Variants in MEST observed in about 807,000 individuals in gnomAD.
The protein encoded by MEST is mesoderm-specific transcript homolog protein.
MEST carries 18 observed loss-of-function variants against 50.9 expected under a neutral mutation model. The ratio of observed to expected loss-of-function variants is 0.35; its 90% CI spans 0.24 to 0.52. MEST has a LOEUF of 0.52. Among genes scored for constraint, MEST ranks in the 20% least tolerant of loss-of-function variants. MEST has a pLI of 0.94. For synonymous variants in MEST, 130 were observed against 154.1 expected, an observed-to-expected ratio of 0.84 and a Z score of 1.16; for missense variants, 282 against 425.3, an observed-to-expected ratio of 0.66 and a Z score of 2.96.
intron 2 of MEST, chr7:130,496,299 A>T: frequency 2.5e-6 from 1 of 396,800 alleles, no homozygotes; most frequent in South Asian, 1.8e-5. Context: ...CTTCATGTCC[A>T]TACAGTTTAT....
Position 130,495,355 on chromosome 7 carries a change from G to A in MEST, c.27-13G>A. 6.3e-7 allele frequency: 1 copy of A among 1,596,902 alleles called. No homozygotes were observed. Reference sequence around the variant, plus strand: ...ACCTGACTGCTTACAGTGGGTCTCTGCTTTTCCTACAGGATGAGGGAGTGG... The same window carrying A: ...ACCTGACTGCTTACAGTGGGTCTCTACTTTTCCTACAGGATGAGGGAGTGG... On this transcript the variant is annotated splice_polypyrimidine_tract_variant and intron_variant, in intron 1 of 11. Coordinates refer to ENST00000223215, the MANE Select transcript of MEST (RefSeq NM_002402.4).
chr7:130,501,210 C>A, intron 9 of MEST: 1 of 215,420 alleles, frequency 4.6e-6, no homozygotes, highest in Non-Finnish European at 9.1e-6. Flanking sequence ...TTCTCTTTCT[C>A]TGTCTTGTAC....
At chr7:130,486,393 C>T (rs560716058) in exon 1 of MEST, 1 of 152,440 alleles carries the variant, frequency 6.6e-6, no homozygotes, top group Admixed American at 6.5e-5. Flanking sequence ...TTACCTGAAT[C>T]AGGTAAGAGG....
At position 130,505,636 on chromosome 7, in the gene MEST, G is replaced by C. The variant is rs548256452; in HGVS notation, c.*580G>C. ...AATAGATATTGGTTTAAATGATACA[G>C]TATTTTAGGTATGATTTAAGACTAT... is the stretch of plus-strand genomic sequence containing the variant. On this transcript the variant is annotated 3_prime_UTR_variant, in exon 12 of 12. Transcript: ENST00000223215. 4 of 152,216 alleles carry C rather than the reference G, an allele frequency of 2.6e-5. No homozygotes were observed. The highest frequency in any genetic ancestry group is 9.7e-5 in the African/African-American group (4 of 41,412). The allele number at this position is 152,216 out of a possible 1,614,324, so 9.4% of individuals were successfully genotyped here. A position where few individuals can be genotyped will look rare whatever the true frequency, so the allele number is the denominator to read the frequency against.
chr7:130,500,087 G>T lies in MEST; in HGVS notation c.576+172G>T, dbSNP rs1209052013. 1 of 611,508 alleles carries T rather than the reference G, an allele frequency of 1.6e-6. No homozygotes were observed. The highest frequency in any genetic ancestry group is 1.9e-5 in the African/African-American group (1 of 53,740). 37.9% of individuals were successfully genotyped at this position (611,508 alleles called of 1,614,324 possible). On this transcript the variant is annotated intron_variant, in intron 7 of 11. Transcript: ENST00000223215. This position sits in a 1 kb window ranked among gnomAD's most constrained non-coding sequence, Gnocchi z 5.0. Reference sequence around the variant, plus strand: ...TTCTTAGGCAACTAAAGCAGAGGCAGTGGCCCCTACGTAAACCCAAAACCA... The same window carrying T: ...TTCTTAGGCAACTAAAGCAGAGGCATTGGCCCCTACGTAAACCCAAAACCA...
chr7:130,499,731 C>T (rs1050464694), intron 6 of MEST, 144 bp from the exon 7 acceptor site: 5 of 604,054 alleles, frequency 8.3e-6, no homozygotes, highest in Non-Finnish European at 1.1e-5. Flanking sequence ...GTGGCTTGCA[C>T]CTGTAATCCC....
chr7:130,503,127 G>A (rs544699941), intron 10 of MEST, among the ~76,000 whole-genome samples: 32 of 152,260 alleles, frequency 2.1e-4, no homozygotes, highest in African/African-American at 7.2e-4. Flanking sequence ...TGAATTGCTC[G>A]GACAGAAGGC....
rs142718124 is a variant in MEST, at chr7:130,498,442, G to A, written c.500G>A (p.Arg167Gln). 51 of 1,613,904 alleles carry A rather than the reference G, an allele frequency of 3.2e-5. No individual in the cohort carries two copies. The highest frequency in any genetic ancestry group is 9.3e-5 in the African/African-American group (7 of 74,872). ...AGGTACAAGCAGAATCGATCTGGTC[G>A]GCTTACCATAAAGAGTCTCTGTCTG... ...LYRYKQNRSG[R>Q]LTIKSLCLSN... is the part of the protein sequence containing the mutation. The change falls in exon 6 of 12, where the codon CGG becomes CAG. Residue 167 changes from arginine to glutamine, a missense_variant. Physicochemically the swap from Arg to Gln is conservative, Grantham distance 43. Transcript: ENST00000223215.
intron 9 of MEST, among the ~76,000 whole-genome samples, chr7:130,502,106 C>G (rs1442251235): frequency 1.3e-5 from 2 of 152,136 alleles, no homozygotes; most frequent in Non-Finnish European, 1.5e-5. Flanking sequence ...CCTGTACTCC[C>G]AGCTACTTGG....
intron 6 of MEST, 62 bp from the exon 7 acceptor site, chr7:130,499,813 T>A: frequency 7.1e-7 from 1 of 1,399,152 alleles, no homozygotes; most frequent in South Asian, 1.3e-5. Context: ...TGAGATCCCG[T>A]CTCTATAAAA....
At chr7:130,493,410 T>G (rs1798910112) in intron 1 of MEST, 1 of 152,172 alleles carries the variant, frequency 6.6e-6, no homozygotes, top group African/African-American at 2.4e-5. Context: ...GTTGGGATTT[T>G]GGCCAAAAAA....
chr7:130,489,850 C>G (rs1422204263), upstream of MEST: 4 of 152,226 alleles, frequency 2.6e-5, no homozygotes, highest in East Asian at 3.8e-4. Flanking sequence ...CTCCTCCAGT[C>G]TGCCCACTTG....
rs541158253 is a variant in MEST at position 130,505,097 on chromosome 7, C to G, written c.*41C>G. 7.1e-7 allele frequency: 1 copy of G among 1,411,180 alleles called. No individual in the cohort carries two copies. The highest frequency in any genetic ancestry group is 2.3e-5 in the East Asian group (1 of 43,908). The allele number at this position is 1,411,180 out of a possible 1,614,324, so 87.4% of individuals were successfully genotyped here. A position where few individuals can be genotyped will look rare whatever the true frequency, so the allele number is the denominator to read the frequency against. ...TTCCCTGTATTACCTCCCCTACTCC[C>G]TTATGTGTTGTGTATTCCACTTAGG... is the stretch of plus-strand genomic sequence containing the variant. On this transcript the variant is annotated 3_prime_UTR_variant, in exon 12 of 12. Coordinates refer to ENST00000223215, the MANE Select transcript of MEST (RefSeq NM_002402.4).
intron 6 of MEST, 46 bp from the exon 7 acceptor site, chr7:130,499,829 A>AT (rs1563025024): frequency 6.4e-7 from 1 of 1,554,846 alleles, no homozygotes; most frequent in Non-Finnish European, 8.7e-7. Flanking sequence ...TAAAAAAAAA[A>AT]AAATTAAAGC....
intron 9 of MEST, among the ~76,000 whole-genome samples, chr7:130,502,425 CT>C (rs1799309685): frequency 6.6e-6 from 1 of 152,166 alleles, no homozygotes; most frequent in Non-Finnish European, 1.5e-5. Context: ...CCCACTAATT[CT>C]TATATTGATA....
upstream of MEST, chr7:130,488,116 TG>T (rs1369809966): frequency 6.6e-6 from 1 of 152,252 alleles, no homozygotes; most frequent in Non-Finnish European, 1.5e-5. Context: ...AGGATCACCC[TG>T]GCCAAGTTCC....
Position 130,500,844 on chromosome 7 carries a change from A to C in MEST, c.703A>C (p.Met235Leu), listed in dbSNP as rs1799250552. 1 of 1,614,052 alleles carries C rather than the reference A, an allele frequency of 6.2e-7. No individual in the cohort carries two copies. The highest frequency in any genetic ancestry group is 8.5e-7 in the Non-Finnish European group (1 of 1,179,980). The change falls in exon 9 of 12, where the codon ATG becomes CTG. Residue 235 changes from methionine (M) to leucine (L), a missense_variant. Met to Leu is a conservative substitution (Grantham distance 15). Transcript: ENST00000223215. The surrounding 1 kb of genome is among the most constrained non-coding windows in gnomAD (Gnocchi z 5.0). ...GCCCTCTGAGAGTGAGCTGTGGGAC[A>C]TGTGGGCAGGGATCCGCAACAATGA... ...TRPSESELWD[M>L]WAGIRNNDGN...
chr7:130,491,149 A>C (rs1435601445), upstream of MEST: 4 of 152,286 alleles, frequency 2.6e-5, no homozygotes, highest in Non-Finnish European at 5.9e-5. The surrounding 1 kb of genome is among the most constrained non-coding windows in gnomAD (Gnocchi z 6.8). Flanking sequence ...TACACTTTTC[A>C]AAGGCGTAAG....
rs782017009 is a variant in MEST, at chr7:130,505,021, T to C, written c.973T>C (p.Leu325=). 1.4e-5 allele frequency: 22 copies of C among 1,613,740 alleles called. No individual in the cohort carries two copies. Among genetic ancestry groups the C allele is most frequent in the South Asian group, 4.4e-5 (4 of 91,076 alleles). ...YPQLEDPMGF[L]NAYMGFINSF ...ACAGCTAGAGGATCCCATGGGCTTC[T>C]TGAATGCATATATGGGCTTCATCAA... Residue 325 remains leucine, a synonymous_variant, in exon 12 of 12, where the codon TTG becomes CTG. Transcript: ENST00000223215.
Sources: gnomAD v4.1 joint callset for allele counts (sites outside exome capture counted in the v4.1 genomes callset) on GRCh38, gnomAD v4.1.1 for gene constraint, Gnocchi (gnomAD v3.1) non-coding constraint, MANE v1.5 for transcripts, NCBI Gene and HGNC (gene_info 2026-07-23, HGNC 2026-07-21) for gene names.